Variants in CMTM7 observed in about 807,000 individuals in gnomAD.
CMTM7 encodes CKLF like MARVEL transmembrane domain containing 7.
CMTM7 carries 7 observed loss-of-function variants against 19.3 expected under a neutral mutation model. The observed-to-expected ratio is 0.36, with a 90% CI of 0.21 to 0.68. The LOEUF is 0.68. CMTM7 is among the 30% of genes least tolerant of loss of function. CMTM7 has a pLI of 0.60. For synonymous variants in CMTM7, 87 were observed against 99.3 expected, an observed-to-expected ratio of 0.88 and a Z score of 0.74; for missense variants, 193 against 232.6, an observed-to-expected ratio of 0.83 and a Z score of 1.11.
At chr3:32,447,736 G>A (rs924849240) in intron 2 of CMTM7, among the ~76,000 whole-genome samples, 1 of 152,078 alleles carries the variant, frequency 6.6e-6, no homozygotes, top group Admixed American at 6.6e-5. Flanking sequence ...GTCTGATGCA[G>A]TGTAGACACC....
chr3:32,413,488 G>T (rs1333970455), intron 1 of CMTM7, among the ~76,000 whole-genome samples: 5 of 152,034 alleles, frequency 3.3e-5, no homozygotes, highest in Admixed American at 3.3e-4. Context: ...CACACCTTTG[G>T]TCCATTTCAT....
intron 1 of CMTM7, among the ~76,000 whole-genome samples, chr3:32,426,707 G>A (rs1222039639): frequency 1.3e-5 from 2 of 152,006 alleles, no homozygotes; most frequent in Non-Finnish European, 2.9e-5. Context: ...TACAGGTTTT[G>A]TAATTTTTCC....
chr3:32,452,810 G>A (rs1696856347), intron 4 of CMTM7, among the ~76,000 whole-genome samples: 1 of 149,448 alleles, frequency 6.7e-6, no homozygotes, highest in African/African-American at 2.5e-5. Context: ...TGGTGCAGTG[G>A]TACGATCAGA....
intron 4 of CMTM7, among the ~76,000 whole-genome samples, chr3:32,452,892 A>G (rs763329093): frequency 2.7e-4 from 38 of 141,976 alleles, no homozygotes; most frequent in Non-Finnish European, 4.4e-4. Context: ...CTGGGACTAC[A>G]GGTGTGCACC....
Position 32,427,184 on chromosome 3 carries a change from T to C in CMTM7, c.160-14656T>C, listed in dbSNP as rs561291129. On this transcript the variant is annotated intron_variant, in intron 1 of 4. Transcript: ENST00000334983. Reference sequence around the variant, plus strand: ...TGGAGGGACCACTCCCTGGCTGCTATTTATGAAAGGTTACTGACTTCTCCA... The same window carrying C: ...TGGAGGGACCACTCCCTGGCTGCTACTTATGAAAGGTTACTGACTTCTCCA... Among the ~76,000 whole-genome samples the C allele has an allele frequency of 6.0e-4, 91 of 152,332 alleles. No individual in the cohort carries two copies. The South Asian group carries it at 6.6e-3, about 11-fold the overall frequency.
intron 1 of CMTM7, among the ~76,000 whole-genome samples, chr3:32,415,082 C>G (rs1696239486): frequency 6.6e-6 from 1 of 151,980 alleles, no homozygotes; most frequent in Admixed American, 6.6e-5. Flanking sequence ...TAAACCTGTT[C>G]AAAACGCAGA....
chr3:32,449,301 C>T lies in CMTM7; in HGVS notation c.334-153C>T, dbSNP rs114161174. On this transcript the variant is annotated intron_variant, in intron 2 of 4. Coordinates refer to ENST00000334983, the MANE Select transcript of CMTM7 (RefSeq NM_138410.4). The surrounding 1 kb of genome is among the most constrained non-coding windows in gnomAD (Gnocchi z 4.5). The stretch of plus-strand genomic sequence containing the variant: ...GGTCAGCCCGCATGTTGGCTGCCTG[C>T]GAGCGGCTCTGCTCATCCCATTTGC... 1.1e-4 allele frequency among the ~76,000 whole-genome samples: 16 copies of T among 152,270 alleles called. No homozygotes were observed. In the East Asian group the frequency reaches 2.7e-3, roughly 26 times the overall value.
chr3:32,407,625 C>T lies in CMTM7; in HGVS notation c.159+15560C>T, dbSNP rs1469728219. ...GAAAGGTGAAAGAGGCAACACAGAC[C>T]CTTGTGTTGATAATGTGACATTGGT... is the stretch of plus-strand genomic sequence containing the variant. On this transcript the variant is annotated intron_variant, in intron 1 of 4. Transcript: ENST00000334983. Among the ~76,000 whole-genome samples, 8 of 152,084 alleles carry T rather than the reference C, an allele frequency of 5.3e-5. No homozygotes were observed. The East Asian group carries it at 1.5e-3, about 29-fold the overall frequency.
intron 1 of CMTM7, among the ~76,000 whole-genome samples, chr3:32,412,741 A>G (rs568450498): frequency 6.6e-6 from 1 of 152,226 alleles, no homozygotes; most frequent in East Asian, 1.9e-4. Context: ...AGTTTCTACA[A>G]TGTTATATTT....
intron 1 of CMTM7, among the ~76,000 whole-genome samples, chr3:32,425,771 TA>T (rs1376949271): frequency 6.6e-6 from 1 of 152,194 alleles, no homozygotes. Flanking sequence ...TAGAACTCCT[TA>T]TAATTAGGTT....
intron 1 of CMTM7, among the ~76,000 whole-genome samples, chr3:32,423,868 C>T (rs1201177368): frequency 5.3e-4 from 80 of 152,260 alleles, no homozygotes; most frequent in Non-Finnish European, 2.9e-4. Flanking sequence ...CACCTGTGCC[C>T]GTCACTGTCC....
intron 1 of CMTM7, among the ~76,000 whole-genome samples, chr3:32,406,070 C>A (rs1344837341): frequency 6.6e-6 from 1 of 152,214 alleles, no homozygotes; most frequent in Non-Finnish European, 1.5e-5. Context: ...TCTGTGTGTG[C>A]CTCTCCTCCT....
intron 2 of CMTM7, among the ~76,000 whole-genome samples, chr3:32,445,594 C>T (rs1696742623): frequency 6.6e-6 from 1 of 151,886 alleles, no homozygotes; most frequent in Non-Finnish European, 1.5e-5. Context: ...CTCACTGCAG[C>T]CTTTATTTCT....
In CMTM7 at chr3:32,449,390, G is replaced by A; in HGVS notation, c.334-64G>A. ...TTCTTTTCATGTCTTCTGATGCCCAGTTGCTCTTCCCGGACCAGAAATGGA... is the reference window on the plus strand; with the variant it reads ...TTCTTTTCATGTCTTCTGATGCCCAATTGCTCTTCCCGGACCAGAAATGGA... On this transcript the variant is annotated intron_variant, in intron 2 of 4. Transcript: ENST00000334983. The surrounding 1 kb of genome is among the most constrained non-coding windows in gnomAD (Gnocchi z 4.5). 9.2e-7 allele frequency: 1 copy of A among 1,084,362 alleles called. No homozygotes were observed. The highest frequency in any genetic ancestry group is 1.4e-6 in the Non-Finnish European group (1 of 696,472). The allele number at this position is 1,084,362 out of a possible 1,614,324, so 67.2% of individuals were successfully genotyped here.
chr3:32,398,708 G>T lies in CMTM7; in HGVS notation c.159+6643G>T, dbSNP rs115724718. Among the ~76,000 whole-genome samples the T allele has an allele frequency of 9.9e-3, 1,507 of 151,896 alleles. 17 individuals carry two copies. The highest frequency in any genetic ancestry group is 0.027 in the African/African-American group (1,118 of 41,326). ...CAAGCAGAAGAAAGAGCGTTGGCCG[G>T]CGCAGTGGCTCATGCCTGTAATCTC... On this transcript the variant is annotated intron_variant, in intron 1 of 4. Transcript: ENST00000334983.
chr3:32,434,553 C>A (rs1696567498), intron 1 of CMTM7, among the ~76,000 whole-genome samples: 1 of 151,652 alleles, frequency 6.6e-6, no homozygotes, highest in South Asian at 2.1e-4. Context: ...AATCCTCCTG[C>A]CTGTCTTGGC....
intron 1 of CMTM7, among the ~76,000 whole-genome samples, chr3:32,429,601 AT>A (rs1336943258): frequency 0.14 from 17,216 of 126,444 alleles, 1,015 homozygotes; most frequent in Middle Eastern, 0.18. Context: ...GGAGCAGTGT[AT>A]TTTTTTTTTT....
intron 1 of CMTM7, among the ~76,000 whole-genome samples, chr3:32,414,099 C>G (rs1696222105): frequency 6.6e-6 from 1 of 152,150 alleles, no homozygotes; most frequent in African/African-American, 2.4e-5. Flanking sequence ...TATGACTGCT[C>G]AAATCCTCCC....
At chr3:32,392,831 C>T (rs1695860551) in intron 1 of CMTM7, among the ~76,000 whole-genome samples, 1 of 152,230 alleles carries the variant, frequency 6.6e-6, no homozygotes, top group African/African-American at 2.4e-5. Context: ...GCACAAGGGC[C>T]TCCTACCAGG....
Sources: gnomAD v4.1 joint callset for allele counts (sites outside exome capture counted in the v4.1 genomes callset) on GRCh38, gnomAD v4.1.1 for gene constraint, Gnocchi (gnomAD v3.1) non-coding constraint, MANE v1.5 for transcripts, NCBI Gene and HGNC (gene_info 2026-07-23, HGNC 2026-07-21) for gene names.